The following NR2E1 variants were observed in gnomAD, a reference collection of about 807,000 sequenced individuals.
The protein encoded by NR2E1 is nuclear receptor subfamily 2 group E member 1.
NR2E1 carries 5 observed loss-of-function variants against 43.6 expected under a neutral mutation model. The ratio of observed to expected loss-of-function variants is 0.11; its 90% CI spans 0.06 to 0.24. The LOEUF (loss-of-function observed/expected upper bound fraction) is 0.24. Ranked by LOEUF, NR2E1 falls within the 10% of genes least tolerant of loss-of-function variation. NR2E1 has a pLI of 1.00. For synonymous variants in NR2E1, 191 were observed against 195.5 expected, an observed-to-expected ratio of 0.98 and a Z score of 0.19; for missense variants, 287 against 496.7, an observed-to-expected ratio of 0.58 and a Z score of 4.01.
chr6:108,171,672 G>A (rs1330341272), intron 2 of NR2E1, 69 bp downstream of exon 2: 38 of 1,598,326 alleles, frequency 2.4e-5, no homozygotes, highest in Non-Finnish European at 3.2e-5. Context: ...TTGTGCCAAG[G>A]CCTCCTCTGA....
At position 108,187,742 on chromosome 6, in the gene NR2E1, G is replaced by A; in HGVS notation, c.*279G>A. 1 of 442,118 alleles carries A rather than the reference G, an allele frequency of 2.3e-6. No individual in the cohort carries two copies. The highest frequency in any genetic ancestry group is 2.1e-5 in the South Asian group (1 of 46,986). 27.4% of individuals were successfully genotyped at this position (442,118 alleles called of 1,614,324 possible). On this transcript the variant is annotated 3_prime_UTR_variant, in exon 9 of 9. Transcript: ENST00000368986. The stretch of plus-strand genomic sequence containing the variant: ...AGGGGGCAAACTGGGGGTTGCCACA[G>A]GCCGTGCCATTCTGCCTCTTACCTG...
At chr6:108,171,372 C>T in intron 1 of NR2E1, 86 bp from the exon 2 acceptor site, 2 of 1,404,590 alleles carry the variant, frequency 1.4e-6, no homozygotes, top group Non-Finnish European at 1.0e-6. Context: ...TAGCATCTCT[C>T]TCTCCCTCTC....
chr6:108,179,858 T>C (rs1308225223), intron 5 of NR2E1, among the ~76,000 whole-genome samples: 1 of 152,090 alleles, frequency 6.6e-6, no homozygotes, highest in Non-Finnish European at 1.5e-5. Context: ...CTCTTGGGAA[T>C]TAGTGATCTC....
chr6:108,168,128 C>G, intron 1 of NR2E1: 1 of 1,598,868 alleles, frequency 6.3e-7, no homozygotes, highest in South Asian at 1.1e-5. Flanking sequence ...TAGGCTCGGG[C>G]CTACCCTGGC....
Position 108,188,502 on chromosome 6 carries a change from A to AACACACACACACACAC in NR2E1, c.*1074_*1089dup, listed in dbSNP as rs373693807. On this transcript the variant is annotated 3_prime_UTR_variant, in exon 9 of 9. Coordinates refer to ENST00000368986, the MANE Select transcript of NR2E1 (RefSeq NM_003269.5). ...CTGGTTTCTAGTAAAGCCTTGAATG[A>AACACACACACACACAC]ACACACACACACACACACACACACA... 8 of 132,980 alleles carry AACACACACACACACAC rather than the reference A, an allele frequency of 6.0e-5. No homozygotes were observed. Among genetic ancestry groups the AACACACACACACACAC allele is most frequent in the East Asian group, 2.3e-4 (1 of 4,398 alleles). The allele number at this position is 132,980 out of a possible 1,614,324, so 8.2% of individuals were successfully genotyped here. A position where few individuals can be genotyped will look rare whatever the true frequency, so the allele number is the denominator to read the frequency against.
At chr6:108,178,761 ACCT>A (rs1361185169) in intron 5 of NR2E1, 1 of 194,688 alleles carries the variant, frequency 5.1e-6, no homozygotes, top group Non-Finnish European at 1.1e-5. Flanking sequence ...CACAGTGCAC[ACCT>A]CCTGTAGGCT....
intron 2 of NR2E1, among the ~76,000 whole-genome samples, chr6:108,173,884 T>C (rs1773852817): frequency 6.6e-6 from 1 of 152,264 alleles, no homozygotes; most frequent in Non-Finnish European, 1.5e-5. Context: ...TTTCAATGGC[T>C]AATGTTTTTA....
Position 108,180,191 on chromosome 6 carries a change from A to C in NR2E1, c.643-132A>C. On this transcript the variant is annotated intron_variant, in intron 5 of 8. Coordinates refer to ENST00000368986, the MANE Select transcript of NR2E1 (RefSeq NM_003269.5). This position sits in a 1 kb window ranked among gnomAD's most constrained non-coding sequence, Gnocchi z 5.4. Reference sequence around the variant, plus strand: ...AAATATGGGAAAATAAGGGAAAGCTAGAATATTCAGAAAAAATTACCAAGA... The same window carrying C: ...AAATATGGGAAAATAAGGGAAAGCTCGAATATTCAGAAAAAATTACCAAGA... 1 of 674,692 alleles carries C rather than the reference A, an allele frequency of 1.5e-6. No homozygotes were observed. The highest frequency in any genetic ancestry group is 2.6e-6 in the Non-Finnish European group (1 of 383,084). The allele number at this position is 674,692 out of a possible 1,614,324, so 41.8% of individuals were successfully genotyped here. A position where few individuals can be genotyped will look rare whatever the true frequency, so the allele number is the denominator to read the frequency against.
At chr6:108,168,128 C>CCTA (rs1773742552) in intron 1 of NR2E1, 1 of 1,598,748 alleles carries the variant, frequency 6.3e-7, no homozygotes, top group Admixed American at 1.7e-5. Context: ...TAGGCTCGGG[C>CCTA]CTACCCTGGC....
At chr6:108,183,359 AAG>A (rs1397980059) in intron 8 of NR2E1, among the ~76,000 whole-genome samples, 5 of 152,120 alleles carry the variant, frequency 3.3e-5, no homozygotes, top group Admixed American at 1.3e-4. Flanking sequence ...AAAAAAAAAA[AAG>A]AAGAAGTGTA....
intron 8 of NR2E1, among the ~76,000 whole-genome samples, chr6:108,186,875 C>T (rs1039611965): frequency 6.6e-6 from 1 of 152,044 alleles, no homozygotes; most frequent in African/African-American, 2.4e-5. Context: ...AAAAAGAAGC[C>T]ATTTTATTTG....
chr6:108,182,778 C>T (rs1774014756), intron 8 of NR2E1, among the ~76,000 whole-genome samples: 1 of 151,984 alleles, frequency 6.6e-6, no homozygotes, highest in Non-Finnish European at 1.5e-5. Context: ...AGGCAGGTCT[C>T]GAACTCCTGA....
intron 4 of NR2E1, among the ~76,000 whole-genome samples, chr6:108,177,624 C>T (rs1361271898): frequency 6.6e-6 from 1 of 152,264 alleles, no homozygotes; most frequent in Non-Finnish European, 1.5e-5. Flanking sequence ...AATGGGAATG[C>T]TCTGTGAATG....
At chr6:108,186,499 C>A (rs1026617675) in intron 8 of NR2E1, among the ~76,000 whole-genome samples, 1 of 152,090 alleles carries the variant, frequency 6.6e-6, no homozygotes, top group Non-Finnish European at 1.5e-5. Flanking sequence ...ATGTGTATCC[C>A]GGAAGTTCAG....
Position 108,169,927 on chromosome 6 carries a change from G to A in NR2E1, c.26-1531G>A, listed in dbSNP as rs958410202. Among the ~76,000 whole-genome samples, 1 of 152,114 alleles carries A rather than the reference G, an allele frequency of 6.6e-6. No individual in the cohort carries two copies. Among genetic ancestry groups the A allele is most frequent in the Non-Finnish European group, 1.5e-5 (1 of 68,014 alleles). On this transcript the variant is annotated intron_variant, in intron 1 of 8. Transcript: ENST00000368986. This position sits in a 1 kb window ranked among gnomAD's most constrained non-coding sequence, Gnocchi z 6.1. ...GCCGCGGGGTTGTAATTACCCGGCC[G>A]AGCCTGGTCGTTACCGAACACCCCC...
In NR2E1 at chr6:108,188,312, C is replaced by T. The variant is rs1774107811; in HGVS notation, c.*849C>T. 6.6e-6 allele frequency: 1 copy of T among 152,082 alleles called. No individual in the cohort carries two copies. 9.4% of individuals were successfully genotyped at this position (152,082 alleles called of 1,614,324 possible). ...TGTCCCGTTAACATAGTGCTGAAACCAAAGGCAGTGGGGGTCCAAACTCGT... is the reference window on the plus strand; with the variant it reads ...TGTCCCGTTAACATAGTGCTGAAACTAAAGGCAGTGGGGGTCCAAACTCGT... On this transcript the variant is annotated 3_prime_UTR_variant, in exon 9 of 9. Coordinates refer to ENST00000368986, the MANE Select transcript of NR2E1 (RefSeq NM_003269.5).
In NR2E1 at chr6:108,176,588, G is replaced by A. The variant is rs1189801119; in HGVS notation, c.345G>A (p.Gly115=). Residue 115 remains glycine (G), a synonymous_variant, in exon 4 of 9, where the codon GGG becomes GGA. Coordinates refer to ENST00000368986, the MANE Select transcript of NR2E1 (RefSeq NM_003269.5). ...LYFRGHKEEN[G]AAAHFPSAAL... is the part of the protein sequence containing the mutation. Reference sequence around the variant, plus strand: ...TCCGTGGACACAAGGAGGAGAACGGGGCCGCCGCGCACTTTCCCTCGGCGG... The same window carrying A: ...TCCGTGGACACAAGGAGGAGAACGGAGCCGCCGCGCACTTTCCCTCGGCGG... 3 of 1,612,886 alleles carry A rather than the reference G, an allele frequency of 1.9e-6. No homozygotes were observed. The highest frequency in any genetic ancestry group is 2.5e-6 in the Non-Finnish European group (3 of 1,179,926).
chr6:108,171,700 G>A lies in NR2E1; in HGVS notation c.171+97G>A, dbSNP rs1582442482. ...TCCTCTGAGTTTCCACGCAGTTGAG[G>A]AGAGACCCGGCCCTGACCTCTCCCT... On this transcript the variant is annotated intron_variant, in intron 2 of 8. Transcript: ENST00000368986. 2.0e-6 allele frequency: 3 copies of A among 1,507,908 alleles called. No homozygotes were observed. In the South Asian group the frequency reaches 3.4e-5, roughly 17 times the overall value. The allele number at this position is 1,507,908 out of a possible 1,614,324, so 93.4% of individuals were successfully genotyped here.
chr6:108,182,190 C>G (rs926454128), intron 8 of NR2E1, among the ~76,000 whole-genome samples: 6 of 147,140 alleles, frequency 4.1e-5, no homozygotes, highest in Non-Finnish European at 7.4e-5. Context: ...TGCAGTGAGC[C>G]GATATTGTGC....
Sources: gnomAD v4.1 joint callset for allele counts (sites outside exome capture counted in the v4.1 genomes callset) on GRCh38, gnomAD v4.1.1 for gene constraint, Gnocchi (gnomAD v3.1) non-coding constraint, MANE v1.5 for transcripts, NCBI Gene and HGNC (gene_info 2026-07-23, HGNC 2026-07-21) for gene names.